Variants in BCL11B observed in about 807,000 individuals in gnomAD.
The protein encoded by BCL11B is BCL11 transcription factor B, also known as B-cell lymphoma/leukemia 11B.
A neutral mutation model predicts 49.9 loss-of-function variants in BCL11B; 8 were observed. The ratio of observed to expected loss-of-function variants is 0.16; its 90% CI spans 0.09 to 0.29. The LOEUF (loss-of-function observed/expected upper bound fraction) is 0.29. Among genes scored for constraint, BCL11B ranks in the 10% least tolerant of loss-of-function variants. BCL11B has a pLI of 1.00. For synonymous variants in BCL11B, 739 were observed against 637.4 expected (o/e 1.16, Z -2.40); for missense variants, 1,006 against 1,351.0 (o/e 0.74, Z 4.00).
At position 99,247,886 on chromosome 14, in the gene BCL11B, G is replaced by T. The variant is rs1174667169; in HGVS notation, c.427+9585C>A. On this transcript the variant is annotated intron_variant, in intron 2 of 3. Transcript: ENST00000357195. The surrounding 1 kb of genome is among the most constrained non-coding windows in gnomAD (Gnocchi z 4.5). ...AAGCTGCCCAGGCACTCAGCCCCCAGGGCAGGGGATGGGGGGAAAACAGCC... is the reference window on the plus strand; with the variant it reads ...AAGCTGCCCAGGCACTCAGCCCCCATGGCAGGGGATGGGGGGAAAACAGCC... Among the ~76,000 whole-genome samples the T allele has an allele frequency of 6.6e-6, 1 of 152,212 alleles. No homozygotes were observed. Among genetic ancestry groups the T allele is most frequent in the Non-Finnish European group, 1.5e-5 (1 of 68,030 alleles).
intron 3 of BCL11B, among the ~76,000 whole-genome samples, chr14:99,187,094 C>T (rs1031233174): frequency 1.3e-5 from 2 of 152,168 alleles, no homozygotes; most frequent in African/African-American, 4.8e-5. Flanking sequence ...CGAGATTTCC[C>T]AAAACAGTCT....
rs1312997319 is a variant in BCL11B at position 99,232,695 on chromosome 14, G to A, written c.428-1138C>T. On this transcript the variant is annotated intron_variant, in intron 2 of 3. Coordinates refer to ENST00000357195, the MANE Select transcript of BCL11B (RefSeq NM_138576.4). This position sits in a 1 kb window ranked among gnomAD's most constrained non-coding sequence, Gnocchi z 5.1. ...GGACTGAACTTCCTAACACACTGAC[G>A]GGAACTGGGGCTTAGAATACCCATT... 6.6e-6 allele frequency among the ~76,000 whole-genome samples: 1 copy of A among 152,158 alleles called. No homozygotes were observed. The highest frequency in any genetic ancestry group is 1.9e-4 in the East Asian group (1 of 5,198).
In BCL11B at chr14:99,192,777, G is replaced by A; in HGVS notation, c.641-16582C>T. On this transcript the variant is annotated intron_variant, in intron 3 of 3. Transcript: ENST00000357195. This position sits in a 1 kb window ranked among gnomAD's most constrained non-coding sequence, Gnocchi z 4.0. ...AAATGCGAGTGACACCTGTATTGAG[G>A]ATGTGGAAAGATTCCAGAGCGTGCA... Among the ~76,000 whole-genome samples, 1 of 152,206 alleles carries A rather than the reference G, an allele frequency of 6.6e-6. No individual in the cohort carries two copies. The highest frequency in any genetic ancestry group is 2.1e-4 in the South Asian group (1 of 4,828).
At position 99,184,047 on chromosome 14, in the gene BCL11B, A is replaced by G. The variant is rs1281206425; in HGVS notation, c.641-7852T>C. Among the ~76,000 whole-genome samples the G allele has an allele frequency of 6.6e-6, 1 of 152,182 alleles. No homozygotes were observed. Among genetic ancestry groups the G allele is most frequent in the Non-Finnish European group, 1.5e-5 (1 of 68,030 alleles). On this transcript the variant is annotated intron_variant, in intron 3 of 3. Transcript: ENST00000357195. This position sits in a 1 kb window ranked among gnomAD's most constrained non-coding sequence, Gnocchi z 6.1. ...CCCAGAACCAGGGACAGATCTTCCC[A>G]AATCACAGAGCTGGTGGGGCCTCCC...
rs181656274 is a variant in BCL11B at position 99,234,205 on chromosome 14, G to A, written c.428-2648C>T. Reference sequence around the variant, plus strand: ...AATGGGCACAGAGTTTCTTCGGGGGGTGATGAAAATGCTCGGGACTTAGAC... The same window carrying A: ...AATGGGCACAGAGTTTCTTCGGGGGATGATGAAAATGCTCGGGACTTAGAC... On this transcript the variant is annotated intron_variant, in intron 2 of 3. Transcript: ENST00000357195. Among the ~76,000 whole-genome samples the A allele has an allele frequency of 5.9e-5, 9 of 152,224 alleles. No homozygotes were observed. In the East Asian group the frequency reaches 1.5e-3, roughly 26 times the overall value.
At chr14:99,260,388 G>T (rs188973103) in intron 1 of BCL11B, among the ~76,000 whole-genome samples, 1 of 152,210 alleles carries the variant, frequency 6.6e-6, no homozygotes, top group African/African-American at 2.4e-5. Context: ...TTAATCTTCG[G>T]TTTACTTTTT....
At chr14:99,220,594 T>TA (rs1186420576) in intron 3 of BCL11B, among the ~76,000 whole-genome samples, 2 of 152,048 alleles carry the variant, frequency 1.3e-5, no homozygotes, top group Non-Finnish European at 2.9e-5. Flanking sequence ...AATGGGAAGT[T>TA]AGTGTTTAAT....
chr14:99,263,789 T>C (rs1889404958), intron 1 of BCL11B, among the ~76,000 whole-genome samples: 1 of 150,428 alleles, frequency 6.6e-6, no homozygotes, highest in Admixed American at 6.6e-5. Flanking sequence ...CACACACCTC[T>C]CCAGAACCCC....
At chr14:99,186,081 G>C (rs1027380446) in intron 3 of BCL11B, among the ~76,000 whole-genome samples, 22 of 152,232 alleles carry the variant, frequency 1.4e-4, no homozygotes, top group African/African-American at 4.6e-4. Flanking sequence ...AATGACTCCA[G>C]GAACATCTAG....
At chr14:99,188,926 G>T (rs987717739) in intron 3 of BCL11B, among the ~76,000 whole-genome samples, 1 of 152,260 alleles carries the variant, frequency 6.6e-6, no homozygotes, top group Admixed American at 6.5e-5. Context: ...AAAGTCATCA[G>T]CCAGTGAATG....
At position 99,231,282 on chromosome 14, in the gene BCL11B, C is replaced by A. The variant is rs889627857; in HGVS notation, c.640+63G>T. 4 of 1,542,644 alleles carry A rather than the reference C, an allele frequency of 2.6e-6. No individual in the cohort carries two copies. Among genetic ancestry groups the A allele is most frequent in the South Asian group, 2.4e-5 (2 of 84,082 alleles). On this transcript the variant is annotated intron_variant, in intron 3 of 3. Coordinates refer to ENST00000357195, the MANE Select transcript of BCL11B (RefSeq NM_138576.4). This position sits in a 1 kb window ranked among gnomAD's most constrained non-coding sequence, Gnocchi z 8.1. ...TCCCTGGGTCCCCACCTTGCTCCAG[C>A]GCTGCCCATGGCACACCCCGCCATC... is the stretch of plus-strand genomic sequence containing the variant.
intron 3 of BCL11B, among the ~76,000 whole-genome samples, chr14:99,212,426 G>A (rs1887714504): frequency 6.6e-6 from 1 of 152,178 alleles, no homozygotes; most frequent in Non-Finnish European, 1.5e-5. Context: ...CACATTGGGT[G>A]TCTGCTTAGT....
intron 3 of BCL11B, among the ~76,000 whole-genome samples, chr14:99,181,028 A>C (rs1055140729): frequency 3.3e-5 from 5 of 152,212 alleles, no homozygotes; most frequent in Admixed American, 2.6e-4. Context: ...TAAAGGTATC[A>C]GAGATGTTCA....
At chr14:99,230,503 T>A (rs1008131186) in intron 3 of BCL11B, among the ~76,000 whole-genome samples, 2 of 152,108 alleles carry the variant, frequency 1.3e-5, no homozygotes, top group African/African-American at 4.8e-5. Flanking sequence ...CCTGCCGAGA[T>A]GCCGGGGGGA....
At chr14:99,243,164 T>G (rs1888719317) in intron 2 of BCL11B, among the ~76,000 whole-genome samples, 2 of 152,266 alleles carry the variant, frequency 1.3e-5, no homozygotes, top group South Asian at 4.1e-4. Context: ...GTATCAAGAT[T>G]CTGAATCATG....
chr14:99,236,396 C>G (rs1490465600), intron 2 of BCL11B, among the ~76,000 whole-genome samples: 1 of 152,096 alleles, frequency 6.6e-6, no homozygotes, highest in African/African-American at 2.4e-5. Context: ...AATCATTATC[C>G]TGATCCTAGC....
At chr14:99,220,910 C>T (rs761711354) in intron 3 of BCL11B, among the ~76,000 whole-genome samples, 9 of 152,016 alleles carry the variant, frequency 5.9e-5, no homozygotes, top group Non-Finnish European at 8.8e-5. Context: ...GAGTGCAATG[C>T]TGTGATCTCG....
chr14:99,172,245 A>C lies in BCL11B; in HGVS notation c.*1906T>G, dbSNP rs1403789565. 4.4e-6 allele frequency: 1 copy of C among 226,026 alleles called. No homozygotes were observed. Among genetic ancestry groups the C allele is most frequent in the East Asian group, 6.4e-5 (1 of 15,658 alleles). 14.0% of individuals were successfully genotyped at this position (226,026 alleles called of 1,614,324 possible). On this transcript the variant is annotated 3_prime_UTR_variant, in exon 4 of 4. Transcript: ENST00000357195. ...TGTGTCACTTGAGTTTTAATTCAGC[A>C]GTAAATCACCTCCACTCCATATCTA... is the stretch of plus-strand genomic sequence containing the variant.
Position 99,242,399 on chromosome 14 carries a change from C to T in BCL11B, c.428-10842G>A, listed in dbSNP as rs969165998. On this transcript the variant is annotated intron_variant, in intron 2 of 3. Transcript: ENST00000357195. This position sits in a 1 kb window ranked among gnomAD's most constrained non-coding sequence, Gnocchi z 4.4. ...TCCAGCCGTGGAGAGGGGAATATCA[C>T]GGCCTTCCTTGCCCAGCCTTGCATG... Among the ~76,000 whole-genome samples, 11 of 152,212 alleles carry T rather than the reference C, an allele frequency of 7.2e-5. No individual in the cohort carries two copies. The highest frequency in any genetic ancestry group is 6.5e-5 in the Admixed American group (1 of 15,280).
Sources: gnomAD v4.1 joint callset for allele counts (sites outside exome capture counted in the v4.1 genomes callset) on GRCh38, gnomAD v4.1.1 for gene constraint, Gnocchi (gnomAD v3.1) non-coding constraint, MANE v1.5 for transcripts, NCBI Gene and HGNC (gene_info 2026-07-23, HGNC 2026-07-21) for gene names.